HCN2: variants seen among roughly 807,000 people sequenced by gnomAD.
HCN2 encodes hyperpolarization activated cyclic nucleotide gated potassium and sodium channel 2, also known as potassium/sodium hyperpolarization-activated cyclic nucleotide-gated channel 2.
In HCN2, 20 loss-of-function variants were observed where a neutral mutation model predicts 52.3. The ratio of observed to expected loss-of-function variants is 0.38; its 90% CI spans 0.27 to 0.56. HCN2 has a LOEUF of 0.56. HCN2 is among the 20% of genes least tolerant of loss of function. HCN2 has a pLI of 0.71. For missense variants in HCN2, 981 were observed against 1,207.7 expected (o/e 0.81, Z 2.78); for synonymous variants, 694 against 537.0 (o/e 1.29, Z -4.04).
intron 5 of HCN2, among the ~76,000 whole-genome samples, chr19:612,120 G>C (rs1486900715): frequency 6.6e-6 from 1 of 151,914 alleles, no homozygotes. Context: ...ACTCCAGCCT[G>C]GACAACAGAG....
intron 4 of HCN2, 142 bp from the exon 5 acceptor site, chr19:610,117 C>T (rs1983561268): frequency 5.1e-6 from 5 of 981,970 alleles, no homozygotes; most frequent in Non-Finnish European, 7.8e-6. Context: ...GCTGTCTGAC[C>T]CACAAGCAGG....
chr19:613,788 C>T (rs1983773709), intron 6 of HCN2, 64 bp from the exon 7 acceptor site: 2 of 1,415,996 alleles, frequency 1.4e-6, no homozygotes, highest in Non-Finnish European at 9.2e-7. Context: ...GGGCCGTGTG[C>T]CTGGGCGGGG....
At position 603,529 on chromosome 19, in the gene HCN2, C is replaced by T. The variant is rs1239507776; in HGVS notation, c.633-15C>T. On this transcript the variant is annotated splice_polypyrimidine_tract_variant and intron_variant, in intron 1 of 7. Transcript: ENST00000251287. Reference sequence around the variant, plus strand: ...GGGAGGCACCGGCCTGAGGTGTGGGCACCCTCGCCCCCAGGTTCTACTGGG... The same window carrying T: ...GGGAGGCACCGGCCTGAGGTGTGGGTACCCTCGCCCCCAGGTTCTACTGGG... 1.3e-6 allele frequency: 2 copies of T among 1,591,970 alleles called. No homozygotes were observed. Among genetic ancestry groups the T allele is most frequent in the South Asian group, 1.1e-5 (1 of 88,528 alleles).
At chr19:599,019 G>A (rs1457614432) in intron 1 of HCN2, among the ~76,000 whole-genome samples, 2 of 152,318 alleles carry the variant, frequency 1.3e-5, no homozygotes, top group South Asian at 4.1e-4. Context: ...AGAAGAGACT[G>A]AGGTTCTCAG....
chr19:602,512 G>A (rs960421419), intron 1 of HCN2, among the ~76,000 whole-genome samples: 2 of 152,074 alleles, frequency 1.3e-5, no homozygotes, highest in African/African-American at 4.8e-5. Context: ...GGAGGCTCCC[G>A]CTTCTCAGTA....
At chr19:609,610 T>TA (rs1265343082) in intron 4 of HCN2, among the ~76,000 whole-genome samples, 3 of 151,742 alleles carry the variant, frequency 2.0e-5, no homozygotes, top group African/African-American at 7.3e-5. Flanking sequence ...TACAAAAAAT[T>TA]AAAAAATTAG....
At chr19:609,689 C>A (rs1023790526) in intron 4 of HCN2, among the ~76,000 whole-genome samples, 2 of 152,034 alleles carry the variant, frequency 1.3e-5, no homozygotes, top group African/African-American at 4.8e-5. Flanking sequence ...TCCCTTGAGC[C>A]CAGGAGTTCA....
intron 1 of HCN2, among the ~76,000 whole-genome samples, chr19:599,586 T>C (rs1404665552): frequency 1.3e-5 from 2 of 150,324 alleles, no homozygotes; most frequent in Non-Finnish European, 1.5e-5. Context: ...GAGACCATCC[T>C]GGCTAACATG....
intron 5 of HCN2, among the ~76,000 whole-genome samples, chr19:612,911 C>T (rs374362961): frequency 4.0e-5 from 6 of 151,650 alleles, no homozygotes; most frequent in African/African-American, 1.2e-4. Flanking sequence ...AACTCCTGGG[C>T]TCAAGCGATC....
chr19:595,853 G>A (rs557868166), intron 1 of HCN2, among the ~76,000 whole-genome samples: 26 of 152,320 alleles, frequency 1.7e-4, no homozygotes, highest in African/African-American at 5.8e-4. Context: ...CTTAATCACC[G>A]ACCTCCGGCC....
chr19:601,075 G>A (rs545640276), intron 1 of HCN2, among the ~76,000 whole-genome samples: 4 of 152,104 alleles, frequency 2.6e-5, no homozygotes, highest in Admixed American at 1.3e-4. Context: ...CACACTTTGC[G>A]AGGCCTAGGC....
At chr19:613,133 C>A in intron 5 of HCN2, 115 bp from the exon 6 acceptor site, 1 of 1,369,294 alleles carries the variant, frequency 7.3e-7, no homozygotes, top group Non-Finnish European at 9.8e-7. Context: ...CGGGGCTGAG[C>A]CCGTCTCTCA....
chr19:601,685 A>G (rs1489454189), intron 1 of HCN2, among the ~76,000 whole-genome samples: 3 of 152,034 alleles, frequency 2.0e-5, no homozygotes, highest in Admixed American at 1.3e-4. Flanking sequence ...ATGTCTTTTT[A>G]AGGAGCCACC....
At chr19:602,438 A>G (rs1036079026) in intron 1 of HCN2, among the ~76,000 whole-genome samples, 16 of 151,192 alleles carry the variant, frequency 1.1e-4, no homozygotes, top group Admixed American at 4.0e-4. Flanking sequence ...TCCTGCGTGG[A>G]CGCCCCACTT....
rs761412497 is a variant in HCN2 at position 610,266 on chromosome 19, A to G, written c.1445A>G (p.Gln482Arg). The change falls in exon 5 of 8, where the codon CAG (glutamine) becomes CGG (arginine). Residue 482 changes from glutamine to arginine, a missense_variant. Coordinates refer to ENST00000251287, the MANE Select transcript of HCN2 (RefSeq NM_001194.4). The stretch of plus-strand genomic sequence containing the variant: ...CTCGCCTCCTCCCCACAGTACAAGC[A>G]GGTGGAGCAGTACATGTCCTTCCAC... ...SRRQYQEKYK[Q>R]VEQYMSFHKL... 6.2e-7 allele frequency: 1 copy of G among 1,613,276 alleles called. No homozygotes were observed. Among genetic ancestry groups the G allele is most frequent in the African/African-American group, 1.3e-5 (1 of 74,888 alleles).
chr19:603,568 G>T lies in HCN2; in HGVS notation c.657G>T (p.Leu219=). The T allele has an allele frequency of 6.2e-7, 1 of 1,607,414 alleles. No homozygotes were observed. ...DFRFYWDFTM[L]LFMVGNLIII... ...GGTTCTACTGGGACTTCACCATGCT[G>T]CTGTTCATGGTGGGAAACCTCATCA... The change falls in exon 2 of 8, where the codon CTG becomes CTT. Residue 219 remains leucine, a synonymous_variant. Coordinates refer to ENST00000251287, the MANE Select transcript of HCN2 (RefSeq NM_001194.4).
Position 616,330 on chromosome 19 carries a change from C to T in HCN2, c.2526C>T (p.Ser842=). The T allele has an allele frequency of 1.7e-6, 2 of 1,183,324 alleles. No individual in the cohort carries two copies. Among genetic ancestry groups the T allele is most frequent in the South Asian group, 2.2e-5 (1 of 45,212 alleles). 73.3% of individuals were successfully genotyped at this position (1,183,324 alleles called of 1,614,324 possible). Reference sequence around the variant, plus strand: ...CCGCGGCCTCCACACGCCCGGCCAGCAGCTCCACACCGCGCTTGGGGCCCA... The same window carrying T: ...CCGCGGCCTCCACACGCCCGGCCAGTAGCTCCACACCGCGCTTGGGGCCCA... The part of the protein sequence containing the change: ...PGPAASTRPA[S]SSTPRLGPTP... Residue 842 remains serine (S), a synonymous_variant, in exon 8 of 8, where the codon AGC becomes AGT. Transcript: ENST00000251287.
chr19:602,742 T>G (rs1380957123), intron 1 of HCN2, among the ~76,000 whole-genome samples: 1 of 152,236 alleles, frequency 6.6e-6, no homozygotes, highest in Admixed American at 6.5e-5. Context: ...TCTGGTCATG[T>G]GAAGCACTTA....
At position 590,274 on chromosome 19, in the gene HCN2, G is replaced by A; in HGVS notation, c.329G>A (p.Ser110Asn). 1 of 987,070 alleles carries A rather than the reference G, an allele frequency of 1.0e-6. No homozygotes were observed. Among genetic ancestry groups the A allele is most frequent in the Non-Finnish European group, 1.2e-6 (1 of 832,976 alleles). The allele number at this position is 987,070 out of a possible 1,614,324, so 61.1% of individuals were successfully genotyped here. Residue 110 changes from serine to asparagine, a missense_variant, in exon 1 of 8, where the codon AGC becomes AAC. This residue lies in a region of HCN2 where 215 missense variants were observed against 179.4 expected (regional missense o/e 1.20). Transcript: ENST00000251287. This position sits in a 1 kb window ranked among gnomAD's most constrained non-coding sequence, Gnocchi z 7.2. ...TGCGGGCGCGGCGAGCCGCAGTGCAGCCCCGCGGGGCCCGAGGGCCCGGCG... is the reference window on the plus strand; with the variant it reads ...TGCGGGCGCGGCGAGCCGCAGTGCAACCCCGCGGGGCCCGAGGGCCCGGCG... The part of the protein sequence containing the change: ...GECGRGEPQC[S>N]PAGPEGPARG...
Sources: gnomAD v4.1 joint callset for allele counts (sites outside exome capture counted in the v4.1 genomes callset) on GRCh38, gnomAD v4.1.1 for gene constraint, gnomAD v4.1.1 regional missense constraint, Gnocchi (gnomAD v3.1) non-coding constraint, MANE v1.5 for transcripts, NCBI Gene and HGNC (gene_info 2026-07-23, HGNC 2026-07-21) for gene names.